PSG2: variants seen among roughly 807,000 people sequenced by gnomAD.
The protein encoded by PSG2 is pregnancy specific beta-1-glycoprotein 2.
A neutral mutation model predicts 36.2 loss-of-function variants in PSG2; 49 were observed. The observed-to-expected ratio is 1.35, with a 90% CI of 1.08 to 1.72. The LOEUF (loss-of-function observed/expected upper bound fraction) is 1.72, where lower values mean the gene tolerates loss of function less well. Ranked by LOEUF, PSG2 falls within the 40% of genes most tolerant of loss-of-function variation. PSG2 has a pLI of 0.00. For missense variants in PSG2, 605 were observed against 407.2 expected, an observed-to-expected ratio of 1.49 and a Z score of -4.18; for synonymous variants, 261 against 155.6, an observed-to-expected ratio of 1.68 and a Z score of -5.04.
intron 3 of PSG2, chr19:43,072,297 C>A: frequency 3.1e-6 from 5 of 1,603,510 alleles, no homozygotes; most frequent in Non-Finnish European, 4.3e-6. Flanking sequence ...AGGCCTGGCC[C>A]CTGGTCATTT....
At position 43,071,601 on chromosome 19, in the gene PSG2, G is replaced by T. The variant is rs1332196395; in HGVS notation, c.964+99C>A. On this transcript the variant is annotated intron_variant, in intron 4 of 5. Transcript: ENST00000406487. The stretch of plus-strand genomic sequence containing the variant: ...ATTTGGGATTTGCTTTTGCCCATGG[G>T]ACACAGGCTGGGAATAAAAATGTTT... The T allele has an allele frequency of 2.5e-6, 4 of 1,610,540 alleles. No individual in the cohort carries two copies. In the South Asian group the frequency reaches 3.3e-5, roughly 13 times the overall value.
intron 3 of PSG2, chr19:43,072,585 T>G: frequency 6.2e-7 from 1 of 1,611,454 alleles, no homozygotes; most frequent in Non-Finnish European, 8.5e-7. Context: ...TTATTCTCCC[T>G]GGGGTTTAAG....
chr19:43,078,030 T>C (rs1278657714), intron 2 of PSG2, among the ~76,000 whole-genome samples: 1 of 151,632 alleles, frequency 6.6e-6, no homozygotes, highest in Non-Finnish European at 1.5e-5. Flanking sequence ...TATGAGCCCA[T>C]GGGCTTGGGG....
chr19:43,074,643 G>T (rs1321291634), intron 3 of PSG2, among the ~76,000 whole-genome samples: 2 of 151,672 alleles, frequency 1.3e-5, no homozygotes, highest in African/African-American at 4.9e-5. Context: ...GCTCTTCCCT[G>T]ATAGCTAGAT....
At chr19:43,067,129 G>A (rs1967751009) in intron 4 of PSG2, among the ~76,000 whole-genome samples, 1 of 151,470 alleles carries the variant, frequency 6.6e-6, no homozygotes, top group South Asian at 2.1e-4. Context: ...TGGGTGACTG[G>A]TTGGAGGATT....
At chr19:43,080,670 C>T (rs558900059) in intron 2 of PSG2, among the ~76,000 whole-genome samples, 37 of 151,642 alleles carry the variant, frequency 2.4e-4, no homozygotes, top group East Asian at 1.5e-3. Context: ...TCCTCTGCAG[C>T]GAGTGTCTGC....
intron 3 of PSG2, chr19:43,072,247 G>C: frequency 6.5e-7 from 1 of 1,534,468 alleles, no homozygotes; most frequent in Non-Finnish European, 8.8e-7. Flanking sequence ...TGGATGTCCA[G>C]AAGTAAAGTT....
intron 5 of PSG2, among the ~76,000 whole-genome samples, chr19:43,064,950 G>T (rs1254444783): frequency 2.0e-5 from 3 of 151,694 alleles, no homozygotes; most frequent in Non-Finnish European, 4.4e-5. Flanking sequence ...TCCTGCCTCA[G>T]CCTCCTGAGT....
intron 4 of PSG2, among the ~76,000 whole-genome samples, chr19:43,069,391 C>A (rs1413354442): frequency 1.3e-5 from 2 of 151,616 alleles, no homozygotes; most frequent in Non-Finnish European, 2.9e-5. Context: ...CATCTCATGA[C>A]TAAATAGACA....
intron 4 of PSG2, among the ~76,000 whole-genome samples, chr19:43,069,285 C>T (rs773501700): frequency 1.1e-4 from 17 of 151,566 alleles, no homozygotes; most frequent in African/African-American, 3.4e-4. Context: ...GACAGTGCTA[C>T]CCAAAGTGAG....
At chr19:43,080,054 A>G (rs1967949980) in intron 2 of PSG2, among the ~76,000 whole-genome samples, 1 of 151,728 alleles carries the variant, frequency 6.6e-6, no homozygotes, top group African/African-American at 2.4e-5. Flanking sequence ...CACTTGATCT[A>G]ATGCTTGGCA....
chr19:43,071,570 A>T, intron 4 of PSG2, 130 bp downstream of exon 4: 3 of 1,604,472 alleles, frequency 1.9e-6, no homozygotes, highest in Non-Finnish European at 2.6e-6. Context: ...AGGGTTCAGG[A>T]GGAGAATTTG....
At chr19:43,070,193 A>G (rs182116841) in intron 4 of PSG2, among the ~76,000 whole-genome samples, 2 of 151,668 alleles carry the variant, frequency 1.3e-5, no homozygotes, top group Non-Finnish European at 2.9e-5. Context: ...ACAGCAACAC[A>G]AAACAACAGG....
At position 43,075,076 on chromosome 19, in the gene PSG2, C is replaced by A. The variant is rs150519560; in HGVS notation, c.709+278G>T. On this transcript the variant is annotated intron_variant, in intron 3 of 5. Coordinates refer to ENST00000406487, the MANE Select transcript of PSG2 (RefSeq NM_031246.4). ...AACACTGAACTCCCAGCCAAATCCC[C>A]GCTGTGTTCACTGATCTGGAGCCTG... Among the ~76,000 whole-genome samples, 22 of 151,912 alleles carry A rather than the reference C, an allele frequency of 1.4e-4. No homozygotes were observed. In the East Asian group the frequency reaches 3.7e-3, roughly 25 times the overall value.
At position 43,067,888 on chromosome 19, in the gene PSG2, A is replaced by G. The variant is rs188115403; in HGVS notation, c.965-1288T>C. 4.1e-3 allele frequency among the ~76,000 whole-genome samples: 615 copies of G among 151,538 alleles called. 28 individuals carry two copies. Among genetic ancestry groups the G allele is most frequent in the African/African-American group, 0.014 (573 of 40,944 alleles). Reference sequence around the variant, plus strand: ...TAACTGTAAACTCTTACATTAAAAAAGAAGAAAGATCTCAGATCAACAACC... The same window carrying G: ...TAACTGTAAACTCTTACATTAAAAAGGAAGAAAGATCTCAGATCAACAACC... On this transcript the variant is annotated intron_variant, in intron 4 of 5. Transcript: ENST00000406487.
intron 4 of PSG2, 60 bp from the exon 5 acceptor site, chr19:43,066,660 A>T (rs918413160): frequency 8.0e-6 from 12 of 1,492,332 alleles, no homozygotes; most frequent in Non-Finnish European, 1.0e-5. Flanking sequence ...ATGGGGGAGC[A>T]TCAGGAACAA....
chr19:43,079,555 G>C (rs904627494), intron 2 of PSG2, among the ~76,000 whole-genome samples: 1 of 151,548 alleles, frequency 6.6e-6, no homozygotes, highest in Non-Finnish European at 1.5e-5. Context: ...GCTGATGCAG[G>C]GTGTGAGTGG....
rs1176989950 is a variant in PSG2 at position 43,067,614 on chromosome 19, TA to T, written c.965-1015del. Among the ~76,000 whole-genome samples, 8 of 151,336 alleles carry T rather than the reference TA, an allele frequency of 5.3e-5. 1 individual carries two copies. Among genetic ancestry groups the T allele is most frequent in the Admixed American group, 2.0e-4 (3 of 15,186 alleles). On this transcript the variant is annotated intron_variant, in intron 4 of 5. Coordinates refer to ENST00000406487, the MANE Select transcript of PSG2 (RefSeq NM_031246.4). ...GAAAAGACAGAAGCTTAGCGTGGTG[TA>T]AAAACTTTCCTGGTGTCATATGGCT...
chr19:43,066,437 C>T, intron 5 of PSG2, 80 bp downstream of exon 5: 5 of 1,039,616 alleles, frequency 4.8e-6, no homozygotes, highest in East Asian at 2.4e-5. Context: ...GTCCCAGATA[C>T]AGGCAAATAA....
Sources: allele counts gnomAD v4.1 joint callset (sites outside exome capture counted in the v4.1 genomes callset), GRCh38; gene constraint gnomAD v4.1.1; transcripts MANE v1.5; gene names NCBI Gene and HGNC (gene_info 2026-07-23, HGNC 2026-07-21).